The following SLC45A2 variants were observed in gnomAD, a reference collection of about 807,000 sequenced individuals.
SLC45A2 encodes membrane-associated transporter protein.
A neutral mutation model predicts 45.5 loss-of-function variants in SLC45A2; 36 were observed. The observed-to-expected ratio is 0.79, with a 90% CI of 0.61 to 1.04. The LOEUF is 1.04. Among genes scored for constraint, SLC45A2 ranks in the 50% least tolerant of loss-of-function variants. The pLI is 0.00. For missense variants in SLC45A2, 719 were observed against 671.0 expected, an observed-to-expected ratio of 1.07 and a Z score of -0.79; for synonymous variants, 306 against 269.3, an observed-to-expected ratio of 1.14 and a Z score of -1.33.
chr5:33,981,116 G>A (rs1157115614), intron 2 of SLC45A2, among the ~76,000 whole-genome samples: 1 of 152,174 alleles, frequency 6.6e-6, no homozygotes. Flanking sequence ...CCCTGGCCAT[G>A]TCTTAGGTGC....
intron 2 of SLC45A2, among the ~76,000 whole-genome samples, chr5:33,974,771 C>T (rs1752875995): frequency 1.3e-5 from 2 of 152,166 alleles, no homozygotes. Flanking sequence ...CAGAATTCAA[C>T]TATTCACACT....
At chr5:33,977,540 C>G (rs1369097636) in intron 2 of SLC45A2, among the ~76,000 whole-genome samples, 1 of 152,152 alleles carries the variant, frequency 6.6e-6, no homozygotes, top group Non-Finnish European at 1.5e-5. Flanking sequence ...AATGAGTGAG[C>G]ATTTCCAAGC....
intron 1 of SLC45A2, 85 bp from the exon 2 acceptor site, chr5:33,982,497 A>T: frequency 7.6e-7 from 1 of 1,322,986 alleles, no homozygotes; most frequent in Non-Finnish European, 1.1e-6. Flanking sequence ...TTCTTGCCAT[A>T]AAATCATCTT....
chr5:33,964,306 T>G (rs1752540278), intron 2 of SLC45A2, among the ~76,000 whole-genome samples: 2 of 152,072 alleles, frequency 1.3e-5, no homozygotes, highest in South Asian at 4.2e-4. Flanking sequence ...AAATAGAAAG[T>G]GTTCAGGATG....
chr5:33,966,776 A>G (rs1009958606), intron 2 of SLC45A2, among the ~76,000 whole-genome samples: 2 of 152,240 alleles, frequency 1.3e-5, no homozygotes, highest in African/African-American at 4.8e-5. Context: ...TAAGAGTTCA[A>G]TATATCAATG....
At chr5:33,975,350 A>G (rs1752897099) in intron 2 of SLC45A2, among the ~76,000 whole-genome samples, 1 of 152,248 alleles carries the variant, frequency 6.6e-6, no homozygotes, top group Admixed American at 6.5e-5. Context: ...GCAATGAATT[A>G]GAAGCCATGG....
chr5:33,961,524 C>A (rs1353586565), intron 3 of SLC45A2, among the ~76,000 whole-genome samples: 1 of 152,170 alleles, frequency 6.6e-6, no homozygotes, highest in Non-Finnish European at 1.5e-5. Context: ...ACTTTTCCCC[C>A]AAAATCTCTA....
rs752715043 is a variant in SLC45A2 at position 33,963,949 on chromosome 5, C to A, written c.630G>T (p.Leu210=). 13 of 1,614,038 alleles carry A rather than the reference C, an allele frequency of 8.1e-6. No homozygotes were observed. Among genetic ancestry groups the A allele is most frequent in the Non-Finnish European group, 1.1e-5 (13 of 1,180,012 alleles). The change falls in exon 3 of 7, where the codon CTG becomes CTT. Residue 210 remains leucine (L), a synonymous_variant. Coordinates refer to ENST00000296589, the MANE Select transcript of SLC45A2 (RefSeq NM_016180.5). ...ACATGACCTGGAATTCTGTACCCAA[C>A]AGTCTTCCCAGCTCCAGATGGGCCC... ...IDWAHLELGR[L]LGTEFQVMFF... is the part of the protein sequence containing the mutation.
chr5:33,967,583 G>A (rs1240082536), intron 2 of SLC45A2, among the ~76,000 whole-genome samples: 2 of 152,098 alleles, frequency 1.3e-5, no homozygotes, highest in Non-Finnish European at 2.9e-5. Context: ...CAGGATATTT[G>A]ACCCACAATT....
chr5:33,956,218 C>A (rs1752271964), intron 3 of SLC45A2, among the ~76,000 whole-genome samples: 1 of 152,034 alleles, frequency 6.6e-6, no homozygotes, highest in Non-Finnish European at 1.5e-5. Context: ...TCAATGGGTA[C>A]CAAAAGTATT....
At chr5:33,952,553 A>G (rs532221986) in intron 4 of SLC45A2, among the ~76,000 whole-genome samples, 1 of 152,040 alleles carries the variant, frequency 6.6e-6, no homozygotes, top group African/African-American at 2.4e-5. Flanking sequence ...ACAAAAATGC[A>G]TATGTGTGTG....
rs767331298 is a variant in SLC45A2 at position 33,984,278 on chromosome 5, C to T, written c.306G>A (p.Arg102=). The change falls in exon 1 of 7, where the codon CGG becomes CGA. Residue 102 remains arginine, a synonymous_variant. Transcript: ENST00000296589. Reference sequence around the variant, plus strand: ...CTCCCAGGGTGAGGATGTAGGGTCTCCGGCGGCCCCACCTGGACCGGCAGT... The same window carrying T: ...CTCCCAGGGTGAGGATGTAGGGTCTTCGGCGGCCCCACCTGGACCGGCAGT... The part of the protein sequence containing the change: ...SDHCRSRWGR[R]RPYILTLGVM... 6.2e-7 allele frequency: 1 copy of T among 1,614,174 alleles called. No individual in the cohort carries two copies.
intron 2 of SLC45A2, 38 bp from the exon 3 acceptor site, chr5:33,964,054 A>G: frequency 6.2e-7 from 1 of 1,602,470 alleles, no homozygotes; most frequent in East Asian, 2.2e-5. Flanking sequence ...ATATTTAGCA[A>G]ATTATCGTTC....
chr5:33,982,108 G>C, intron 2 of SLC45A2, 128 bp downstream of exon 2: 1 of 1,017,362 alleles, frequency 9.8e-7, no homozygotes, highest in Non-Finnish European at 1.5e-6. Flanking sequence ...GTGCCCGCAT[G>C]ACGGGAGCAG....
In SLC45A2 at chr5:33,967,159, G is replaced by A. The variant is rs1219600211; in HGVS notation, c.563-3143C>T. ...GCACTGAACTGGCTGAAGGCAGCCT[G>A]CCTGGAACTTGCTGAAAGGATTTAG... On this transcript the variant is annotated intron_variant, in intron 2 of 6. Coordinates refer to ENST00000296589, the MANE Select transcript of SLC45A2 (RefSeq NM_016180.5). Among the ~76,000 whole-genome samples the A allele has an allele frequency of 2.0e-5, 3 of 152,230 alleles. No homozygotes were observed. In the East Asian group the frequency reaches 5.8e-4, roughly 29 times the overall value.
chr5:33,967,994 A>C (rs1046527050), intron 2 of SLC45A2, among the ~76,000 whole-genome samples: 4 of 151,766 alleles, frequency 2.6e-5, no homozygotes, highest in African/African-American at 9.7e-5. Flanking sequence ...GAACTGTCTT[A>C]TTTGTCCCAA....
At position 33,944,811 on chromosome 5, in the gene SLC45A2, G is replaced by A; in HGVS notation, c.1430C>T (p.Ala477Val). The A allele has an allele frequency of 6.2e-7, 1 of 1,614,196 alleles. No individual in the cohort carries two copies. Among genetic ancestry groups the A allele is most frequent in the Non-Finnish European group, 8.5e-7 (1 of 1,180,026 alleles). The change falls in exon 7 of 7, where the codon GCC becomes GTC. Residue 477 changes from alanine to valine, a missense_variant. By Grantham distance (64) the Ala-to-Val change is moderately conservative. Coordinates refer to ENST00000296589, the MANE Select transcript of SLC45A2 (RefSeq NM_016180.5). Reference sequence around the variant, plus strand: ...CAGCTGCACCATGCATGTGAGGGTGGCGCAGTCCATGCCCTTCCCTCTCAC... The same window carrying A: ...CAGCTGCACCATGCATGTGAGGGTGACGCAGTCCATGCCCTTCCCTCTCAC... ...NSVRGKGMDC[A>V]TLTCMVQLAQ...
At position 33,947,388 on chromosome 5, in the gene SLC45A2, A is replaced by G. The variant is rs763270955; in HGVS notation, c.1157-14T>C. The G allele has an allele frequency of 1.2e-6, 2 of 1,611,106 alleles. No individual in the cohort carries two copies. Among genetic ancestry groups the G allele is most frequent in the Non-Finnish European group, 1.7e-6 (2 of 1,177,188 alleles). On this transcript the variant is annotated splice_polypyrimidine_tract_variant and intron_variant, in intron 5 of 6. Transcript: ENST00000296589. ...CTTTCTGAAAGTCTGTGGGAAGAAG[A>G]GAGGGAGAAATTACAGCTGGCAGTG... is the stretch of plus-strand genomic sequence containing the variant.
chr5:33,976,095 C>T (rs1752922387), intron 2 of SLC45A2, among the ~76,000 whole-genome samples: 1 of 152,190 alleles, frequency 6.6e-6, no homozygotes, highest in Non-Finnish European at 1.5e-5. Flanking sequence ...GAAAAATAAA[C>T]ATCTGCCTTG....
Sources: allele counts gnomAD v4.1 joint callset (sites outside exome capture counted in the v4.1 genomes callset), GRCh38; gene constraint gnomAD v4.1.1; transcripts MANE v1.5; gene names NCBI Gene and HGNC (gene_info 2026-07-23, HGNC 2026-07-21).